The following VPS26A variants were observed in gnomAD, a reference collection of about 807,000 sequenced individuals.
The protein encoded by VPS26A is vacuolar protein sorting-associated protein 26A.
A neutral mutation model predicts 42.4 loss-of-function variants in VPS26A; 22 were observed. That is an observed-to-expected ratio of 0.52 (90% confidence interval 0.37 to 0.74). The LOEUF is 0.74. VPS26A is among the 30% of genes least tolerant of loss of function. The pLI, the probability that VPS26A is intolerant of heterozygous loss-of-function variation, is 0.00. For synonymous variants in VPS26A, 110 were observed against 123.5 expected (o/e 0.89, Z 0.73); for missense variants, 276 against 379.2 (o/e 0.73, Z 2.26).
At chr10:69,160,985 G>C (rs531366861) in intron 5 of VPS26A, among the ~76,000 whole-genome samples, 1 of 152,294 alleles carries the variant, frequency 6.6e-6, no homozygotes, top group South Asian at 2.1e-4. Context: ...TGTAGAACTT[G>C]AGTAATAATG....
intron 8 of VPS26A, among the ~76,000 whole-genome samples, chr10:69,169,516 C>G (rs1257784413): frequency 2.0e-5 from 3 of 151,480 alleles, no homozygotes; most frequent in African/African-American, 4.9e-5. Flanking sequence ...AGGCTGGTTT[C>G]AAACTCCTGG....
intron 2 of VPS26A, among the ~76,000 whole-genome samples, chr10:69,148,234 T>G (rs1841208361): frequency 6.6e-6 from 1 of 152,376 alleles, no homozygotes; most frequent in Admixed American, 6.5e-5. Flanking sequence ...TTCTCTACTT[T>G]CATTTGTAAG....
chr10:69,165,619 CA>C (rs1189656866), intron 6 of VPS26A, among the ~76,000 whole-genome samples: 1 of 152,058 alleles, frequency 6.6e-6, no homozygotes, highest in Non-Finnish European at 1.5e-5. Flanking sequence ...CCAGCCTGGG[CA>C]TCATGGTGAA....
At position 69,172,195 on chromosome 10, in the gene VPS26A, G is replaced by A. The variant is rs1310375496; in HGVS notation, c.*926G>A. The stretch of plus-strand genomic sequence containing the variant: ...GAAAATTTTGGGATGGGGGACTCAG[G>A]AGGACCTGTGAAGCATGTAGTTATC... On this transcript the variant is annotated 3_prime_UTR_variant, in exon 9 of 9. Coordinates refer to ENST00000263559, the MANE Select transcript of VPS26A (RefSeq NM_004896.5). The A allele has an allele frequency of 6.6e-6, 1 of 152,142 alleles. No individual in the cohort carries two copies. Among genetic ancestry groups the A allele is most frequent in the Non-Finnish European group, 1.5e-5 (1 of 68,022 alleles). 9.4% of individuals were successfully genotyped at this position (152,142 alleles called of 1,614,324 possible).
intron 7 of VPS26A, among the ~76,000 whole-genome samples, chr10:69,167,742 C>CAAAAAAA (rs35974356): frequency 2.6e-4 from 17 of 66,304 alleles, no homozygotes; most frequent in East Asian, 8.4e-4. Flanking sequence ...GACTCCATCT[C>CAAAAAAA]AAAAAAAAAA....
intron 5 of VPS26A, among the ~76,000 whole-genome samples, chr10:69,160,866 G>A (rs1384527031): frequency 6.6e-6 from 1 of 152,282 alleles, no homozygotes; most frequent in East Asian, 1.9e-4. Context: ...TACAAGGTAC[G>A]TGGGAGCGAC....
At chr10:69,140,529 G>A (rs1000930705) in intron 2 of VPS26A, among the ~76,000 whole-genome samples, 1 of 151,648 alleles carries the variant, frequency 6.6e-6, no homozygotes, top group Non-Finnish European at 1.5e-5. Flanking sequence ...ACACTACCAC[G>A]CCCAATTATT....
intron 2 of VPS26A, among the ~76,000 whole-genome samples, chr10:69,149,727 G>GGTTTTTTT (rs1841249742): frequency 2.1e-5 from 2 of 93,964 alleles, no homozygotes; most frequent in African/African-American, 9.7e-5. Context: ...CTTTCTTGGT[G>GGTTTTTTT]TTTTTTGTTT....
At chr10:69,156,335 G>T (rs961654364) in intron 3 of VPS26A, among the ~76,000 whole-genome samples, 3 of 151,860 alleles carry the variant, frequency 2.0e-5, no homozygotes, top group African/African-American at 7.3e-5. Flanking sequence ...TCTTGACTTA[G>T]ATCAACTTAT....
intron 1 of VPS26A, among the ~76,000 whole-genome samples, chr10:69,127,330 G>A (rs949249158): frequency 2.0e-5 from 3 of 150,794 alleles, no homozygotes; most frequent in Non-Finnish European, 4.4e-5. Context: ...GAGGCGGGCG[G>A]ATCACGAGGT....
At chr10:69,160,503 G>A (rs1163467578) in intron 5 of VPS26A, among the ~76,000 whole-genome samples, 7 of 150,036 alleles carry the variant, frequency 4.7e-5, no homozygotes, top group Non-Finnish European at 7.4e-5. Context: ...CCCGTCTGGA[G>A]TGCAGTGGCA....
intron 7 of VPS26A, among the ~76,000 whole-genome samples, chr10:69,167,618 C>G (rs1841718996): frequency 6.6e-6 from 1 of 151,452 alleles, no homozygotes; most frequent in Admixed American, 6.6e-5. Context: ...TGGCAGGTGC[C>G]TGTAATCCCA....
chr10:69,148,467 C>T (rs1028622649), intron 2 of VPS26A, among the ~76,000 whole-genome samples: 7 of 152,152 alleles, frequency 4.6e-5, no homozygotes, highest in Non-Finnish European at 1.0e-4. Flanking sequence ...TGCATATGGA[C>T]TATGACAGCA....
At chr10:69,148,571 G>T (rs1841214541) in intron 2 of VPS26A, among the ~76,000 whole-genome samples, 1 of 152,120 alleles carries the variant, frequency 6.6e-6, no homozygotes, top group Non-Finnish European at 1.5e-5. Context: ...AGATAATTTG[G>T]TGTCTGATTT....
intron 8 of VPS26A, 133 bp downstream of exon 8, chr10:69,168,764 TAAA>T (rs1327946794): frequency 1.8e-6 from 2 of 1,113,008 alleles, no homozygotes; most frequent in East Asian, 2.8e-5. Flanking sequence ...GTATGATAGA[TAAA>T]GAAGTAGAGG....
chr10:69,170,270 C>T (rs902853242), intron 8 of VPS26A: 2 of 151,892 alleles, frequency 1.3e-5, no homozygotes, highest in Non-Finnish European at 2.9e-5. Context: ...TATTGCCATC[C>T]TAATGTTGTA....
intron 2 of VPS26A, among the ~76,000 whole-genome samples, chr10:69,133,359 TCAGA>T (rs1169770998): frequency 1.3e-5 from 2 of 152,190 alleles, no homozygotes; most frequent in East Asian, 3.8e-4. Flanking sequence ...CTGTCTGGTT[TCAGA>T]CAGTTTCTTC....
chr10:69,161,964 G>C (rs35807660), intron 5 of VPS26A: 45 of 183,066 alleles, frequency 2.5e-4, no homozygotes, highest in African/African-American at 1.1e-3. Flanking sequence ...ATGCAACTCA[G>C]CAGCGGCAAG....
chr10:69,153,125 C>T (rs1282792046), intron 2 of VPS26A, among the ~76,000 whole-genome samples: 1 of 147,132 alleles, frequency 6.8e-6, no homozygotes, highest in Admixed American at 6.8e-5. Context: ...CAGTGGTTCA[C>T]TGCAACCTCC....
Sources: gnomAD v4.1 joint callset for allele counts (sites outside exome capture counted in the v4.1 genomes callset) on GRCh38, gnomAD v4.1.1 for gene constraint, MANE v1.5 for transcripts, NCBI Gene and HGNC (gene_info 2026-07-23, HGNC 2026-07-21) for gene names.